PALM2AKAP2: variants seen among roughly 807,000 people sequenced by gnomAD.
The protein encoded by PALM2AKAP2 is PALM2-AKAP2 fusion protein.
A neutral mutation model predicts 71.5 loss-of-function variants in PALM2AKAP2; 37 were observed. That is an observed-to-expected ratio of 0.52 (90% CI 0.40 to 0.68). PALM2AKAP2 has a LOEUF of 0.68. Ranked by LOEUF, PALM2AKAP2 falls within the 30% of genes least tolerant of loss-of-function variation. The probability of loss-of-function intolerance (pLI) is 0.00; values close to 1 mark genes in which losing one functional copy is unlikely to be tolerated. For synonymous variants in PALM2AKAP2, 468 were observed against 478.8 expected (o/e 0.98, Z 0.29); for missense variants, 1,224 against 1,191.8 (o/e 1.03, Z -0.40).
chr9:109,734,195 C>G (rs1828596420), intron 1 of PALM2AKAP2, among the ~76,000 whole-genome samples: 1 of 152,034 alleles, frequency 6.6e-6, no homozygotes, highest in African/African-American at 2.4e-5. Flanking sequence ...GATCAATAAT[C>G]CTCTTCCTCC....
chr9:110,133,279 C>T (rs1835774927), intron 1 of PALM2AKAP2, among the ~76,000 whole-genome samples: 1 of 152,334 alleles, frequency 6.6e-6, no homozygotes, highest in Admixed American at 6.5e-5. Context: ...AGCCCCATCA[C>T]TCCTTCCTCT....
intron 1 of PALM2AKAP2, among the ~76,000 whole-genome samples, chr9:110,112,030 C>T (rs1168440882): frequency 6.6e-6 from 1 of 151,970 alleles, no homozygotes; most frequent in Admixed American, 6.6e-5. Flanking sequence ...TGTGCTCGAA[C>T]CTGTATATAA....
chr9:109,688,800 C>T (rs1374917435), intron 1 of PALM2AKAP2, among the ~76,000 whole-genome samples: 1 of 152,194 alleles, frequency 6.6e-6, no homozygotes, highest in African/African-American at 2.4e-5. Flanking sequence ...CTAAAAAGTA[C>T]ATAATGGTCC....
At chr9:110,062,338 G>A (rs1833982951) in intron 1 of PALM2AKAP2, among the ~76,000 whole-genome samples, 2 of 152,072 alleles carry the variant, frequency 1.3e-5, no homozygotes, top group Admixed American at 1.3e-4. Flanking sequence ...GTGAGAACAT[G>A]TGGTGTTTGG....
intron 1 of PALM2AKAP2, among the ~76,000 whole-genome samples, chr9:110,098,998 C>A (rs1045456958): frequency 2.1e-4 from 32 of 152,206 alleles, no homozygotes; most frequent in African/African-American, 7.2e-4. Context: ...TGATTACTTT[C>A]AATTCCCCTG....
chr9:110,042,192 C>T (rs1047323945), intron 7 of PALM2AKAP2, among the ~76,000 whole-genome samples: 17 of 152,098 alleles, frequency 1.1e-4, no homozygotes, highest in African/African-American at 3.6e-4. Context: ...TTTGGGAGGC[C>T]GAAGCTTGCA....
intron 7 of PALM2AKAP2, among the ~76,000 whole-genome samples, chr9:110,022,522 A>T (rs1833091329): frequency 6.6e-6 from 1 of 151,320 alleles, no homozygotes; most frequent in Non-Finnish European, 1.5e-5. Flanking sequence ...TGGCTCAAAT[A>T]TTCCCTCCTC....
At chr9:109,660,236 G>A (rs941174836) in intron 1 of PALM2AKAP2, among the ~76,000 whole-genome samples, 1 of 152,144 alleles carries the variant, frequency 6.6e-6, no homozygotes, top group Non-Finnish European at 1.5e-5. Flanking sequence ...TAGGGTACAT[G>A]TGCACAACGT....
At chr9:109,673,455 G>A (rs2118496630) in intron 1 of PALM2AKAP2, among the ~76,000 whole-genome samples, 1 of 152,172 alleles carries the variant, frequency 6.6e-6, no homozygotes, top group East Asian at 1.9e-4. Flanking sequence ...TGATTGCTCT[G>A]TAGTCTGAGA....
chr9:110,131,504 A>G (rs1019020655), intron 1 of PALM2AKAP2, among the ~76,000 whole-genome samples: 3 of 152,256 alleles, frequency 2.0e-5, no homozygotes, highest in African/African-American at 7.2e-5. Flanking sequence ...ATCTTCAAAG[A>G]GAGCAATAAG....
intron 1 of PALM2AKAP2, among the ~76,000 whole-genome samples, chr9:109,768,257 G>C (rs1431723257): frequency 1.3e-5 from 2 of 152,064 alleles, no homozygotes; most frequent in African/African-American, 4.8e-5. Flanking sequence ...CAGCTCAGTT[G>C]ATTGTCCTTT....
chr9:109,708,281 G>C (rs776004970), intron 1 of PALM2AKAP2, among the ~76,000 whole-genome samples: 121 of 152,160 alleles, frequency 8.0e-4, no homozygotes, highest in Middle Eastern at 3.4e-3. Context: ...TGCTACAAGA[G>C]TAAGTCCTGT....
chr9:109,903,595 T>C (rs1302748766), intron 3 of PALM2AKAP2, among the ~76,000 whole-genome samples: 1 of 152,176 alleles, frequency 6.6e-6, no homozygotes, highest in Non-Finnish European at 1.5e-5. Flanking sequence ...AGTTCAGTGT[T>C]GTGGACATTT....
chr9:109,973,568 G>C (rs909218756), intron 6 of PALM2AKAP2, among the ~76,000 whole-genome samples: 1 of 152,192 alleles, frequency 6.6e-6, no homozygotes, highest in African/African-American at 2.4e-5. Flanking sequence ...AATGGGGTAG[G>C]GGAGTATCCT....
intron 1 of PALM2AKAP2, among the ~76,000 whole-genome samples, chr9:110,056,998 A>G (rs570125620): frequency 1.2e-4 from 18 of 152,322 alleles, no homozygotes; most frequent in African/African-American, 4.1e-4. Flanking sequence ...TCATAGAGGA[A>G]CTAAGTTTTA....
chr9:109,818,549 A>C (rs774799624), intron 1 of PALM2AKAP2, among the ~76,000 whole-genome samples: 3 of 152,236 alleles, frequency 2.0e-5, no homozygotes, highest in Non-Finnish European at 4.4e-5. Flanking sequence ...GAAGGTAAAA[A>C]ACATAAAAAC....
intron 1 of PALM2AKAP2, among the ~76,000 whole-genome samples, chr9:109,719,737 G>T (rs1033806594): frequency 2.6e-5 from 4 of 152,086 alleles, no homozygotes; most frequent in African/African-American, 9.7e-5. Flanking sequence ...TAGACCTGGG[G>T]CATACTTAGA....
At chr9:109,672,783 C>A (rs1827593082) in intron 1 of PALM2AKAP2, among the ~76,000 whole-genome samples, 1 of 151,996 alleles carries the variant, frequency 6.6e-6, no homozygotes, top group Non-Finnish European at 1.5e-5. Flanking sequence ...AATTTCAGAG[C>A]TCATTATTAG....
chr9:109,957,131 G>T (rs1042475000), intron 6 of PALM2AKAP2, among the ~76,000 whole-genome samples: 1 of 152,138 alleles, frequency 6.6e-6, no homozygotes, highest in African/African-American at 2.4e-5. Context: ...GTAAGATCAC[G>T]ATCGTTTAAA....
Sources: allele counts gnomAD v4.1 joint callset (sites outside exome capture counted in the v4.1 genomes callset), GRCh38; gene constraint gnomAD v4.1.1; transcripts MANE v1.5; gene names NCBI Gene and HGNC (gene_info 2026-07-23, HGNC 2026-07-21).